CSPP1: variants seen among roughly 807,000 people sequenced by gnomAD.
The protein encoded by CSPP1 is centrosome and spindle pole associated protein 1.
Under a neutral mutation model 164.4 loss-of-function variants are expected in CSPP1, and 126 were observed. The observed-to-expected ratio is 0.77, with a 90% CI of 0.66 to 0.89. The LOEUF is 0.89. Ranked by LOEUF, CSPP1 falls within the 40% of genes least tolerant of loss-of-function variation. The pLI, the probability that CSPP1 is intolerant of heterozygous loss-of-function variation, is 0.00. For synonymous variants in CSPP1, 472 were observed against 476.7 expected (o/e 0.99, Z 0.13); for missense variants, 1,395 against 1,449.8 (o/e 0.96, Z 0.61).
intron 3 of CSPP1, among the ~76,000 whole-genome samples, chr8:67,080,094 A>C (rs1808828778): frequency 6.6e-6 from 1 of 152,204 alleles, no homozygotes; most frequent in Non-Finnish European, 1.5e-5. Context: ...TGTGGCTTTA[A>C]AATTCAGTCA....
At chr8:67,108,044 G>A (rs1815999541) in intron 9 of CSPP1, among the ~76,000 whole-genome samples, 1 of 127,452 alleles carries the variant, frequency 7.8e-6, no homozygotes, top group African/African-American at 3.1e-5. Context: ...TGAGTGTTTA[G>A]TATGTACTTG....
At chr8:67,180,546 TAAAA>T (rs1053316963) in intron 28 of CSPP1, among the ~76,000 whole-genome samples, 7 of 152,020 alleles carry the variant, frequency 4.6e-5, no homozygotes, top group Non-Finnish European at 1.0e-4. Context: ...AAATGGGAAA[TAAAA>T]TAATAATAAT....
At chr8:67,124,873 G>A (rs562910160) in intron 15 of CSPP1, among the ~76,000 whole-genome samples, 61 of 152,040 alleles carry the variant, frequency 4.0e-4, no homozygotes, top group South Asian at 6.2e-4. Flanking sequence ...AGAGACAGGC[G>A]TCTCTCTGTG....
chr8:67,188,979 G>A (rs1835450099), intron 28 of CSPP1, among the ~76,000 whole-genome samples: 2 of 152,182 alleles, frequency 1.3e-5, no homozygotes, highest in Non-Finnish European at 2.9e-5. Context: ...GAGGCTTGCC[G>A]CCATCTTGGA....
At chr8:67,132,158 CG>C in intron 16 of CSPP1, 78 bp downstream of exon 16, 1 of 1,351,406 alleles carries the variant, frequency 7.4e-7, no homozygotes, top group Non-Finnish European at 9.9e-7. Context: ...AGAGTGTGGC[CG>C]GGGAGGGGAA....
intron 24 of CSPP1, among the ~76,000 whole-genome samples, chr8:67,165,920 A>T (rs1279707603): frequency 6.6e-6 from 1 of 152,232 alleles, no homozygotes; most frequent in East Asian, 1.9e-4. Context: ...TACAGTTTTT[A>T]GAATTCTTCC....
At chr8:67,101,128 A>G (rs191694191) in intron 7 of CSPP1, among the ~76,000 whole-genome samples, 1 of 152,322 alleles carries the variant, frequency 6.6e-6, no homozygotes, top group East Asian at 1.9e-4. Context: ...AATTGTAACA[A>G]TATAAGGAAA....
At chr8:67,136,872 G>A (rs1479647602) in intron 16 of CSPP1, among the ~76,000 whole-genome samples, 3 of 152,102 alleles carry the variant, frequency 2.0e-5, no homozygotes, top group African/African-American at 7.2e-5. Flanking sequence ...GACACTAGGG[G>A]AGGGAAGGAG....
chr8:67,091,096 C>T (rs1811515720), intron 4 of CSPP1, among the ~76,000 whole-genome samples: 1 of 151,980 alleles, frequency 6.6e-6, no homozygotes, highest in East Asian at 1.9e-4. Context: ...TTTTGTCCTC[C>T]TTCATCCTTA....
chr8:67,083,581 A>T (rs1297536726), intron 3 of CSPP1: 2 of 145,994 alleles, frequency 1.4e-5, no homozygotes, highest in African/African-American at 5.0e-5. Flanking sequence ...ATATGTATAT[A>T]TGAATAATAA....
intron 3 of CSPP1, among the ~76,000 whole-genome samples, chr8:67,079,891 C>T (rs1808784462): frequency 6.6e-6 from 1 of 152,204 alleles, no homozygotes; most frequent in Admixed American, 6.5e-5. Context: ...TGTTTTAAAC[C>T]AACGGGTTAA....
chr8:67,095,450 A>G lies in CSPP1; in HGVS notation c.641A>G (p.Glu214Gly), dbSNP rs1812551906. 6.2e-7 allele frequency: 1 copy of G among 1,613,622 alleles called. No individual in the cohort carries two copies. The change falls in exon 7 of 31, where the codon GAG becomes GGG. Residue 214 changes from glutamate (E) to glycine (G), a missense_variant. By Grantham distance (98) the Glu-to-Gly change is moderately conservative (BLOSUM62 -2). Coordinates refer to ENST00000678616, the MANE Select transcript of CSPP1 (RefSeq NM_001382391.1). ...EELLNQRRLE[E>G]DRYRQLDDEI... ...CTTCTGAACCAAAGACGACTAGAGG[A>G]GGACAGATACCGACAACTAGATGAT... is the stretch of plus-strand genomic sequence containing the variant.
At chr8:67,130,321 G>A (rs1256795929) in intron 15 of CSPP1, among the ~76,000 whole-genome samples, 1 of 152,146 alleles carries the variant, frequency 6.6e-6, no homozygotes, top group African/African-American at 2.4e-5. Context: ...TAAGAATTTG[G>A]GTCTGTGAGT....
At chr8:67,103,181 A>T in intron 8 of CSPP1, 46 bp downstream of exon 8, 2 of 1,168,948 alleles carry the variant, frequency 1.7e-6, no homozygotes, top group Non-Finnish European at 2.5e-6. Flanking sequence ...TTACATTGTG[A>T]AACAGAATGT....
chr8:67,193,497 C>G lies in CSPP1; in HGVS notation c.3364C>G (p.Leu1122Val). The change falls in exon 30 of 31, where the codon CTC (leucine) becomes GTC (valine). Residue 1122 changes from leucine (L) to valine (V), a missense_variant. Leu to Val is a conservative substitution (Grantham distance 32). Coordinates refer to ENST00000678616, the MANE Select transcript of CSPP1 (RefSeq NM_001382391.1). ...TCGTCCTAATGTAGCACCAGATGGT[C>G]TCTCTCTAAAATCTATATCCAGTGT... is the stretch of plus-strand genomic sequence containing the variant. ...SSRPNVAPDG[L>V]SLKSISSVNV... The G allele has an allele frequency of 1.9e-6, 3 of 1,613,140 alleles. No homozygotes were observed. The highest frequency in any genetic ancestry group is 2.5e-6 in the Non-Finnish European group (3 of 1,179,126).
At chr8:67,166,632 G>C (rs111481950) in intron 24 of CSPP1, among the ~76,000 whole-genome samples, 57 of 152,010 alleles carry the variant, frequency 3.7e-4, no homozygotes, top group African/African-American at 1.4e-3. Context: ...TTGAGAGGTA[G>C]TGTTTTTTTT....
rs541117380 is a variant in CSPP1 at position 67,148,950 on chromosome 8, C to T, written c.1976-833C>T. ...AGCATGATAAACAGTTATTATCTTGCGGTTCTGAGGGTTAGAAATTTGTGA... is the reference window on the plus strand; with the variant it reads ...AGCATGATAAACAGTTATTATCTTGTGGTTCTGAGGGTTAGAAATTTGTGA... On this transcript the variant is annotated intron_variant, in intron 17 of 30. Coordinates refer to ENST00000678616, the MANE Select transcript of CSPP1 (RefSeq NM_001382391.1). Among the ~76,000 whole-genome samples the T allele has an allele frequency of 5.3e-5, 8 of 152,186 alleles. No homozygotes were observed. In the South Asian group the frequency reaches 6.2e-4, roughly 12 times the overall value.
intron 29 of CSPP1, 106 bp from the exon 30 acceptor site, chr8:67,193,358 A>C: frequency 2.1e-6 from 2 of 967,126 alleles, no homozygotes; most frequent in African/African-American, 1.6e-5. Flanking sequence ...CGGCTTCCCA[A>C]AGTGCTGGGA....
intron 9 of CSPP1, among the ~76,000 whole-genome samples, chr8:67,109,953 G>A (rs531797714): frequency 2.0e-5 from 3 of 152,116 alleles, no homozygotes; most frequent in Non-Finnish European, 2.9e-5. Context: ...ACAGCTGTGG[G>A]TACGTCTTTA....
Sources: gnomAD v4.1 joint callset for allele counts (sites outside exome capture counted in the v4.1 genomes callset) on GRCh38, gnomAD v4.1.1 for gene constraint, MANE v1.5 for transcripts, NCBI Gene and HGNC (gene_info 2026-07-23, HGNC 2026-07-21) for gene names.